Variants in TLN2 observed in about 807,000 individuals in gnomAD.
TLN2 encodes the protein talin-2.
Under a neutral mutation model 294.7 loss-of-function variants are expected in TLN2, and 118 were observed. That is an observed-to-expected ratio of 0.40 (90% CI 0.34 to 0.47). TLN2 has a LOEUF of 0.47. Among genes scored for constraint, TLN2 ranks in the 20% least tolerant of loss-of-function variants. The pLI, the probability that TLN2 is intolerant of heterozygous loss-of-function variation, is 0.84. For synonymous variants in TLN2, 1,431 were observed against 1,304.5 expected, an observed-to-expected ratio of 1.10 and a Z score of -2.09; for missense variants, 3,083 against 3,282.2, an observed-to-expected ratio of 0.94 and a Z score of 1.48.
chr15:62,644,137 A>G (rs2051518979), intron 3 of TLN2, among the ~76,000 whole-genome samples: 1 of 151,632 alleles, frequency 6.6e-6, no homozygotes, highest in South Asian at 2.1e-4. Flanking sequence ...CTGCTACTCC[A>G]GGCTCTCCCC....
At position 62,582,246 on chromosome 15, in the gene TLN2, A is replaced by ACACACACACACACACACACACACCCC. The variant is rs764248336; in HGVS notation, c.-237-7439_-237-7438insCACACACACACACACACACACCCCCA. ...CACACACACACACACACACACACAC[A>ACACACACACACACACACACACACCCC]CATTCATGCCTGACCCATTCCTGAC... On this transcript the variant is annotated intron_variant, in intron 1 of 58. Transcript: ENST00000636159. Among the ~76,000 whole-genome samples, 322 of 137,298 alleles carry ACACACACACACACACACACACACCCC rather than the reference A, an allele frequency of 2.3e-3. 9 individuals carry two copies. The highest frequency in any genetic ancestry group is 5.8e-3 in the East Asian group (25 of 4,332). 90.1% of individuals were successfully genotyped at this position (137,298 alleles called of 152,430 possible).
rs1393364898 is a variant in TLN2, at chr15:62,761,679, AGGCCCTGGAT to A, written c.4640_4649del (p.Ala1547GlyfsTer18). On this transcript the variant is annotated splice_acceptor_variant and coding_sequence_variant, in exon 38 of 59. Coordinates refer to ENST00000636159, the MANE Select transcript of TLN2 (RefSeq NM_015059.3). LOFTEE classifies it high-confidence loss of function. Reference sequence around the variant, plus strand: ...CAGAATCTCCCTGTTTTCTCCCATCAGGCCCTGGATGGGGATTTCTCTGAAGACAACCGCA... The same window carrying A: ...CAGAATCTCCCTGTTTTCTCCCATCAGGGGATTTCTCTGAAGACAACCGCA... 1 of 1,614,156 alleles carries A rather than the reference AGGCCCTGGAT, an allele frequency of 6.2e-7. No individual in the cohort carries two copies. The highest frequency in any genetic ancestry group is 8.5e-7 in the Non-Finnish European group (1 of 1,180,004).
At chr15:62,533,063 G>C (rs2041136345) in intron 1 of TLN2, among the ~76,000 whole-genome samples, 1 of 151,964 alleles carries the variant, frequency 6.6e-6, no homozygotes, top group African/African-American at 2.4e-5. Context: ...AGACCAGCCT[G>C]GCCAAAGTGG....
At chr15:62,692,780 A>G (rs2058030116) in intron 12 of TLN2, 60 bp from the exon 13 acceptor site, 19 of 1,357,804 alleles carry the variant, frequency 1.4e-5, no homozygotes, top group Non-Finnish European at 1.8e-5. Flanking sequence ...TGGACCTGCT[A>G]GCCTTTAAAA....
chr15:62,831,119 A>C (rs2068796491), intron 54 of TLN2: 1 of 152,050 alleles, frequency 6.6e-6, no homozygotes, highest in Non-Finnish European at 1.5e-5. Flanking sequence ...TGATCCTATC[A>C]GATCTACCCC....
chr15:62,667,582 T>C (rs1314716499), intron 9 of TLN2, among the ~76,000 whole-genome samples: 1 of 152,220 alleles, frequency 6.6e-6, no homozygotes, highest in Non-Finnish European at 1.5e-5. Flanking sequence ...GTATGAGCGA[T>C]AACACTCATA....
chr15:62,546,924 G>GA (rs2042026432), intron 1 of TLN2, among the ~76,000 whole-genome samples: 1 of 152,206 alleles, frequency 6.6e-6, no homozygotes. Context: ...CCGTAATACT[G>GA]CAGTTTGTTT....
At chr15:62,430,896 T>C (rs2034975281) in intron 1 of TLN2, among the ~76,000 whole-genome samples, 1 of 149,074 alleles carries the variant, frequency 6.7e-6, no homozygotes, top group Non-Finnish European at 1.5e-5. Flanking sequence ...CTCAAAGGCT[T>C]CCTGGAGGAG....
intron 1 of TLN2, among the ~76,000 whole-genome samples, chr15:62,421,763 G>T (rs779869973): frequency 6.6e-6 from 1 of 151,924 alleles, no homozygotes; most frequent in Non-Finnish European, 1.5e-5. Context: ...GCAAACCCCC[G>T]TGACACAAGT....
chr15:62,755,269 C>G, intron 36 of TLN2: 1 of 371,634 alleles, frequency 2.7e-6, no homozygotes, highest in Non-Finnish European at 4.8e-6. Context: ...CTGATTACAT[C>G]TCCTTTAAGA....
chr15:62,813,381 A>G (rs12592944), intron 52 of TLN2, among the ~76,000 whole-genome samples: 127,813 of 152,166 alleles, frequency 0.84, 54,387 homozygotes, highest in Non-Finnish European at 0.91. Context: ...AAGGCCATTC[A>G]GAGGTTTAGG....
chr15:62,778,351 T>A (rs900481277), intron 43 of TLN2, among the ~76,000 whole-genome samples: 1 of 152,132 alleles, frequency 6.6e-6, no homozygotes, highest in Non-Finnish European at 1.5e-5. Flanking sequence ...TCTCAGTAGA[T>A]TTGTTTGGTT....
At position 62,833,691 on chromosome 15, in the gene TLN2, G is replaced by A. The variant is rs28477153; in HGVS notation, c.7128+62G>A. On this transcript the variant is annotated intron_variant, in intron 55 of 58. Transcript: ENST00000636159. The stretch of plus-strand genomic sequence containing the variant: ...CGTACGAGAGCCTCAGGGGGCCCAG[G>A]AAAAGAGCTACAAGCTTTTGTCCTG... The A allele has an allele frequency of 3.1e-3, 4,814 of 1,573,412 alleles. 100 individuals are homozygous for A. The African/African-American group carries it at 0.053, about 17-fold the overall frequency.
chr15:62,582,213 C>CACACACACACACACACACAT (rs1346419710), intron 1 of TLN2, among the ~76,000 whole-genome samples: 3 of 131,986 alleles, frequency 2.3e-5, no homozygotes, highest in Non-Finnish European at 4.9e-5. Context: ...CACACACACA[C>CACACACACACACACACACAT]ACACACACAC....
intron 1 of TLN2, among the ~76,000 whole-genome samples, chr15:62,468,085 G>A (rs996286037): frequency 6.6e-6 from 1 of 151,832 alleles, no homozygotes; most frequent in African/African-American, 2.4e-5. Flanking sequence ...GTGTAAATTG[G>A]AAAGCTGTTG....
chr15:62,666,672 C>T lies in TLN2; in HGVS notation c.789-7155C>T, dbSNP rs560523828. 2.6e-5 allele frequency among the ~76,000 whole-genome samples: 4 copies of T among 152,336 alleles called. No individual in the cohort carries two copies. The South Asian group carries it at 8.3e-4, about 32-fold the overall frequency. ...TTTCTGTTTCCACTTTTTCTTGCCA[C>T]TCTAGGCGTTTCCCAGCTCACTCAG... is the stretch of plus-strand genomic sequence containing the variant. On this transcript the variant is annotated intron_variant, in intron 9 of 58. Coordinates refer to ENST00000636159, the MANE Select transcript of TLN2 (RefSeq NM_015059.3).
At chr15:62,567,445 C>T (rs753819708) in intron 1 of TLN2, among the ~76,000 whole-genome samples, 4 of 152,166 alleles carry the variant, frequency 2.6e-5, no homozygotes, top group Non-Finnish European at 5.9e-5. Context: ...CATGAGGCAC[C>T]TGGAGGCCTG....
intron 20 of TLN2, among the ~76,000 whole-genome samples, chr15:62,707,648 A>T (rs961936476): frequency 6.6e-6 from 1 of 152,110 alleles, no homozygotes; most frequent in Non-Finnish European, 1.5e-5. Context: ...CCGAGTGGGG[A>T]TTTTAATTGT....
chr15:62,663,864 A>G (rs1226151382), intron 9 of TLN2, among the ~76,000 whole-genome samples: 1 of 152,052 alleles, frequency 6.6e-6, no homozygotes, highest in Non-Finnish European at 1.5e-5. Flanking sequence ...TTACAGATTC[A>G]GTTCAATTCC....
Sources: allele counts gnomAD v4.1 joint callset (sites outside exome capture counted in the v4.1 genomes callset), GRCh38; gene constraint gnomAD v4.1.1; transcripts MANE v1.5; gene names NCBI Gene and HGNC (gene_info 2026-07-23, HGNC 2026-07-21).